SLX4IP: variants seen among roughly 807,000 people sequenced by gnomAD.
SLX4IP encodes protein SLX4IP.
A neutral mutation model predicts 32.9 loss-of-function variants in SLX4IP; 34 were observed. That is an observed-to-expected ratio of 1.03 (90% CI 0.79 to 1.38). The LOEUF (loss-of-function observed/expected upper bound fraction) is 1.38. Among genes scored for constraint, SLX4IP ranks in the 40% most tolerant of loss-of-function variants. The pLI is 0.00. For synonymous variants in SLX4IP, 172 were observed against 171.7 expected (o/e 1.00, Z -0.01); for missense variants, 444 against 479.0 (o/e 0.93, Z 0.68).
intron 2 of SLX4IP, among the ~76,000 whole-genome samples, chr20:10,535,686 C>T (rs1297255936): frequency 6.6e-6 from 1 of 152,158 alleles, no homozygotes; most frequent in East Asian, 1.9e-4. Flanking sequence ...CATCCTTAGT[C>T]TCATGAATTC....
chr20:10,449,001 A>T (rs532812775), intron 1 of SLX4IP, among the ~76,000 whole-genome samples: 4 of 152,178 alleles, frequency 2.6e-5, no homozygotes, highest in Non-Finnish European at 5.9e-5. Flanking sequence ...CTGCTCACAT[A>T]TGAGTGTGTA....
chr20:10,546,126 T>G (rs908526853), intron 2 of SLX4IP, among the ~76,000 whole-genome samples: 1 of 152,214 alleles, frequency 6.6e-6, no homozygotes, highest in Non-Finnish European at 1.5e-5. Context: ...TTTCAGATTA[T>G]AGATGCCATA....
At chr20:10,595,525 C>T (rs1440783822) in intron 4 of SLX4IP, among the ~76,000 whole-genome samples, 1 of 152,154 alleles carries the variant, frequency 6.6e-6, no homozygotes, top group Non-Finnish European at 1.5e-5. Context: ...TGCCAAATTG[C>T]TGTTTAGCTT....
At chr20:10,565,807 G>A (rs768429999) in intron 4 of SLX4IP, among the ~76,000 whole-genome samples, 1 of 152,142 alleles carries the variant, frequency 6.6e-6, no homozygotes, top group Non-Finnish European at 1.5e-5. Flanking sequence ...CAAAGGAAAT[G>A]TGCTCACCAC....
At chr20:10,501,048 A>G (rs894495796) in intron 2 of SLX4IP, among the ~76,000 whole-genome samples, 1 of 152,160 alleles carries the variant, frequency 6.6e-6, no homozygotes. Flanking sequence ...CCATGGTGAT[A>G]TTTGATGAAA....
At chr20:10,559,185 G>T (rs954543197) in intron 3 of SLX4IP, among the ~76,000 whole-genome samples, 1 of 151,798 alleles carries the variant, frequency 6.6e-6, no homozygotes, top group South Asian at 2.1e-4. Flanking sequence ...GAACAATGCC[G>T]AAACACTCAA....
chr20:10,564,142 C>T (rs926223431), intron 4 of SLX4IP, among the ~76,000 whole-genome samples: 3 of 152,032 alleles, frequency 2.0e-5, no homozygotes, highest in East Asian at 3.9e-4. Context: ...GGTATACCAC[C>T]GTCTTATATT....
At chr20:10,543,762 G>A (rs149271123) in intron 2 of SLX4IP, among the ~76,000 whole-genome samples, 23 of 152,322 alleles carry the variant, frequency 1.5e-4, no homozygotes, top group Admixed American at 1.3e-3. Context: ...ATTGGTAACC[G>A]TGACAGAAGC....
intron 1 of SLX4IP, among the ~76,000 whole-genome samples, chr20:10,442,236 A>G (rs2065164944): frequency 6.6e-6 from 1 of 152,238 alleles, no homozygotes; most frequent in South Asian, 2.1e-4. Flanking sequence ...ATTTTCCCAC[A>G]GAATAATCTA....
intron 6 of SLX4IP, among the ~76,000 whole-genome samples, chr20:10,620,478 C>T (rs2067095291): frequency 6.6e-6 from 1 of 151,916 alleles, no homozygotes; most frequent in South Asian, 2.1e-4. Context: ...TTTTGGTAGC[C>T]AAGAATCACA....
chr20:10,548,307 C>T (rs1182924359), intron 2 of SLX4IP, among the ~76,000 whole-genome samples: 3 of 152,012 alleles, frequency 2.0e-5, no homozygotes, highest in East Asian at 1.9e-4. Flanking sequence ...GGCATGATCT[C>T]GGCTCACTGC....
chr20:10,452,137 C>G (rs2065246734), intron 1 of SLX4IP, among the ~76,000 whole-genome samples: 2 of 152,146 alleles, frequency 1.3e-5, no homozygotes, highest in African/African-American at 4.8e-5. Context: ...GTTCCATGCT[C>G]AAGGCTTGTG....
intron 2 of SLX4IP, among the ~76,000 whole-genome samples, chr20:10,480,405 CA>C (rs58812464): frequency 1.4e-3 from 178 of 124,124 alleles, no homozygotes; most frequent in East Asian, 6.7e-3. Flanking sequence ...ACCCTGTTTC[CA>C]AAAAAAAAAA....
chr20:10,520,723 T>C (rs1028727612), intron 2 of SLX4IP, among the ~76,000 whole-genome samples: 1 of 152,238 alleles, frequency 6.6e-6, no homozygotes, highest in African/African-American at 2.4e-5. Flanking sequence ...TTTAATTCTT[T>C]TGCATGTGGT....
intron 4 of SLX4IP, among the ~76,000 whole-genome samples, chr20:10,567,506 G>GCTGGTGC (rs1409363256): frequency 3.9e-5 from 6 of 152,146 alleles, no homozygotes; most frequent in African/African-American, 1.4e-4. Flanking sequence ...CGCCAGACCT[G>GCTGGTGC]CTGGTGCCTG....
chr20:10,463,593 T>C (rs2065356017), intron 2 of SLX4IP, among the ~76,000 whole-genome samples: 1 of 152,194 alleles, frequency 6.6e-6, no homozygotes, highest in Non-Finnish European at 1.5e-5. Flanking sequence ...ATGAAATGAA[T>C]AAAATACATC....
chr20:10,519,797 A>T (rs184776250), intron 2 of SLX4IP, among the ~76,000 whole-genome samples: 1 of 152,352 alleles, frequency 6.6e-6, no homozygotes, highest in Admixed American at 6.5e-5. Context: ...GGGAACTGCC[A>T]AACTGTTTTC....
intron 2 of SLX4IP, among the ~76,000 whole-genome samples, chr20:10,496,268 A>G (rs977000374): frequency 6.6e-6 from 1 of 152,130 alleles, no homozygotes; most frequent in African/African-American, 2.4e-5. Context: ...AGCATTGATC[A>G]TTTCTACGTG....
intron 6 of SLX4IP, chr20:10,613,279 T>C (rs1240914556): frequency 1.5e-6 from 1 of 656,668 alleles, no homozygotes; most frequent in African/African-American, 1.8e-5. Context: ...TAAGATCAGG[T>C]TGAGAGATTC....
Sources: allele counts gnomAD v4.1 joint callset (sites outside exome capture counted in the v4.1 genomes callset), GRCh38; gene constraint gnomAD v4.1.1; transcripts MANE v1.5; gene names NCBI Gene and HGNC (gene_info 2026-07-23, HGNC 2026-07-21).